PLXNA4: variants seen among roughly 807,000 people sequenced by gnomAD.
The protein encoded by PLXNA4 is plexin A4.
PLXNA4 carries 44 observed loss-of-function variants against 191.8 expected under a neutral mutation model. The ratio of observed to expected loss-of-function variants is 0.23; its 90% confidence interval spans 0.18 to 0.29. The LOEUF (loss-of-function observed/expected upper bound fraction) is 0.29. Among genes scored for constraint, PLXNA4 ranks in the 10% least tolerant of loss-of-function variants. The pLI, the probability that PLXNA4 is intolerant of heterozygous loss-of-function variation, is 1.00. For synonymous variants in PLXNA4, 1,082 were observed against 1,009.5 expected (o/e 1.07, Z -1.36); for missense variants, 1,800 against 2,488.8 (o/e 0.72, Z 5.89).
At chr7:132,540,478 C>T (rs192953280) in intron 1 of PLXNA4, among the ~76,000 whole-genome samples, 80 of 150,432 alleles carry the variant, frequency 5.3e-4, no homozygotes, top group Non-Finnish European at 9.3e-4. Context: ...TTTTCCAACA[C>T]GGTGTTAGTA....
intron 10 of PLXNA4, among the ~76,000 whole-genome samples, chr7:132,207,893 A>G (rs1797678318): frequency 6.6e-6 from 1 of 152,136 alleles, no homozygotes; most frequent in Non-Finnish European, 1.5e-5. Flanking sequence ...TCTTTGCTCA[A>G]CCTTTGATTA....
At chr7:132,241,684 C>T (rs1235734381) in intron 4 of PLXNA4, among the ~76,000 whole-genome samples, 1 of 152,298 alleles carries the variant, frequency 6.6e-6, no homozygotes, top group East Asian at 1.9e-4. Flanking sequence ...TTCTCTTCCT[C>T]CTTGCCATTT....
chr7:132,152,680 G>T (rs777203231), intron 25 of PLXNA4, among the ~76,000 whole-genome samples: 1 of 152,224 alleles, frequency 6.6e-6, no homozygotes, highest in Non-Finnish European at 1.5e-5. Flanking sequence ...GCATCCTCCC[G>T]TGAAGGCTGA....
chr7:132,480,820 C>A (rs539545224), intron 3 of PLXNA4, among the ~76,000 whole-genome samples: 1 of 152,170 alleles, frequency 6.6e-6, no homozygotes. Flanking sequence ...CCCGTGGAGG[C>A]AGGTTGGTGA....
In PLXNA4 at chr7:132,507,828, G is replaced by A. The variant is rs200648753; in HGVS notation, c.866C>T (p.Ala289Val). ...GGGCACCTCTACATAGGAGTTGAAG[G>A]CTGTGTCCTCCTTGCAAAGCCTCAC... ...KLVRLCKEDTAFNSYVEVPIG... is the reference protein window; with the variant it reads ...KLVRLCKEDTVFNSYVEVPIG... Residue 289 changes from alanine to valine, a missense_variant, in exon 2 of 32, where the codon GCC becomes GTC. This residue lies in a region of PLXNA4 where 1,397 missense variants were observed against 1,880.4 expected (regional missense o/e 0.74). Coordinates refer to ENST00000321063, the MANE Select transcript of PLXNA4 (RefSeq NM_020911.2). 2 of 1,614,148 alleles carry A rather than the reference G, an allele frequency of 1.2e-6. No individual in the cohort carries two copies. Among genetic ancestry groups the A allele is most frequent in the East Asian group, 2.2e-5 (1 of 44,872 alleles).
chr7:132,209,540 C>T (rs559474058), intron 10 of PLXNA4, among the ~76,000 whole-genome samples: 2 of 152,082 alleles, frequency 1.3e-5, no homozygotes, highest in Admixed American at 1.3e-4. Flanking sequence ...GCCTGGCAGC[C>T]AGGGGAGGAG....
chr7:132,437,261 C>T (rs540803957), intron 3 of PLXNA4, among the ~76,000 whole-genome samples: 28 of 152,286 alleles, frequency 1.8e-4, no homozygotes, highest in Admixed American at 1.6e-3. Context: ...CAGAACATGG[C>T]GCATAGGAAG....
At chr7:132,628,604 TA>T (rs542373964) in intron 2 of PLXNA4, among the ~76,000 whole-genome samples, 32 of 152,198 alleles carry the variant, frequency 2.1e-4, no homozygotes, top group African/African-American at 7.2e-4. Context: ...AAACATCTTT[TA>T]TTTTTTGGAT....
At chr7:132,612,787 T>C (rs1318274170) in intron 2 of PLXNA4, among the ~76,000 whole-genome samples, 4 of 152,134 alleles carry the variant, frequency 2.6e-5, no homozygotes, top group Non-Finnish European at 5.9e-5. Flanking sequence ...TGTTAGATAT[T>C]TTGCAGCACC....
intron 3 of PLXNA4, among the ~76,000 whole-genome samples, chr7:132,477,316 C>T (rs1797169123): frequency 6.6e-6 from 1 of 152,192 alleles, no homozygotes; most frequent in Admixed American, 6.5e-5. Context: ...TTCACTTTGG[C>T]TGGGCCAAAA....
intron 1 of PLXNA4, among the ~76,000 whole-genome samples, chr7:132,554,979 T>C (rs758669574): frequency 6.8e-6 from 1 of 147,864 alleles, no homozygotes; most frequent in Non-Finnish European, 1.5e-5. Flanking sequence ...GCCACTGCTT[T>C]GAGCCAAGAG....
At chr7:132,332,699 C>A (rs1231601169) in intron 3 of PLXNA4, among the ~76,000 whole-genome samples, 3 of 150,552 alleles carry the variant, frequency 2.0e-5, no homozygotes, top group Non-Finnish European at 3.0e-5. Flanking sequence ...AAAAAAAATA[C>A]AAAACTAAAC....
At chr7:132,537,902 C>T (rs1485474461) in intron 1 of PLXNA4, among the ~76,000 whole-genome samples, 1 of 152,246 alleles carries the variant, frequency 6.6e-6, no homozygotes, top group Non-Finnish European at 1.5e-5. Context: ...CCCGCACGCT[C>T]AGCCTGGACA....
chr7:132,458,079 G>A (rs371620892), intron 3 of PLXNA4, among the ~76,000 whole-genome samples: 15 of 152,164 alleles, frequency 9.9e-5, no homozygotes, highest in African/African-American at 3.4e-4. Flanking sequence ...ATTTAGAATA[G>A]TGGGCACTCG....
chr7:132,532,884 T>C (rs1396694056), intron 1 of PLXNA4, among the ~76,000 whole-genome samples: 2 of 152,192 alleles, frequency 1.3e-5, no homozygotes, highest in African/African-American at 2.4e-5. Context: ...CACTTACAAA[T>C]GTGACCTGAG....
chr7:132,429,573 C>T (rs1046426451), intron 3 of PLXNA4, among the ~76,000 whole-genome samples: 2 of 152,114 alleles, frequency 1.3e-5, no homozygotes, highest in African/African-American at 4.8e-5. Context: ...TTTTCACATG[C>T]CATGATATAT....
At chr7:132,396,140 G>A (rs1793745892) in intron 3 of PLXNA4, among the ~76,000 whole-genome samples, 1 of 152,114 alleles carries the variant, frequency 6.6e-6, no homozygotes, top group South Asian at 2.1e-4. Flanking sequence ...AAAGCCTTCA[G>A]CCAGCCCCCT....
In PLXNA4 at chr7:132,359,609, GA is replaced by G. The variant is rs546677665; in HGVS notation, c.1372-61388del. Among the ~76,000 whole-genome samples the G allele has an allele frequency of 3.3e-4, 50 of 152,186 alleles. No homozygotes were observed. The East Asian group carries it at 8.9e-3, about 27-fold the overall frequency. On this transcript the variant is annotated intron_variant, in intron 3 of 31. Transcript: ENST00000321063. ...ATGTAAACATATTTTGTAAAATAAA[GA>G]AAAATGTATACCTAAGGTCTTAAAT... is the stretch of plus-strand genomic sequence containing the variant.
chr7:132,498,127 G>A (rs1798102842), intron 2 of PLXNA4, among the ~76,000 whole-genome samples: 1 of 152,078 alleles, frequency 6.6e-6, no homozygotes, highest in African/African-American at 2.4e-5. Flanking sequence ...AGCACAATAA[G>A]GGATTTTTGA....
Sources: allele counts gnomAD v4.1 joint callset (sites outside exome capture counted in the v4.1 genomes callset), GRCh38; gene constraint gnomAD v4.1.1; regional missense constraint gnomAD v4.1.1; transcripts MANE v1.5; gene names NCBI Gene and HGNC (gene_info 2026-07-23, HGNC 2026-07-21).